RBKS: variants seen among roughly 807,000 people sequenced by gnomAD.
RBKS encodes ribokinase.
A neutral mutation model predicts 33.9 loss-of-function variants in RBKS; 33 were observed. That is an observed-to-expected ratio of 0.97 (90% CI 0.74 to 1.30). RBKS has a LOEUF of 1.30. Ranked by LOEUF, RBKS falls within the 50% of genes most tolerant of loss-of-function variation. The probability of loss-of-function intolerance (pLI) is 0.00; values close to 1 mark genes in which losing one functional copy is unlikely to be tolerated. For missense variants in RBKS, 361 were observed against 392.6 expected (o/e 0.92, Z 0.68); for synonymous variants, 125 against 143.0 (o/e 0.87, Z 0.90).
chr2:27,887,694 AATC>A (rs1374738137), intron 1 of RBKS, among the ~76,000 whole-genome samples: 2 of 39,236 alleles, frequency 5.1e-5, no homozygotes, highest in African/African-American at 1.2e-4. Flanking sequence ...TGATTTTGCT[AATC>A]ATCAGTAAAA....
rs551968735 is a variant in RBKS at position 27,877,586 on chromosome 2, A to G, written c.89+12671T>C. ...GAATATAACCGCCCCTGCCCCCCCA[A>G]TAAAAGTAGTAAGCATGGAATGCTT... is the stretch of plus-strand genomic sequence containing the variant. On this transcript the variant is annotated intron_variant, in intron 1 of 7. Coordinates refer to ENST00000302188, the MANE Select transcript of RBKS (RefSeq NM_022128.3). Among the ~76,000 whole-genome samples the G allele has an allele frequency of 3.3e-5, 5 of 152,164 alleles. No individual in the cohort carries two copies. In the South Asian group the frequency reaches 6.2e-4, roughly 19 times the overall value.
chr2:27,860,452 G>C (rs1390070087), intron 1 of RBKS, among the ~76,000 whole-genome samples: 1 of 152,198 alleles, frequency 6.6e-6, no homozygotes, highest in Non-Finnish European at 1.5e-5. Flanking sequence ...AACTTGATTA[G>C]TAAGACTGTC....
rs1677650055 is a variant in RBKS, at chr2:27,795,496, T to C, written c.796-13708A>G. 6.6e-6 allele frequency among the ~76,000 whole-genome samples: 1 copy of C among 152,220 alleles called. No homozygotes were observed. The highest frequency in any genetic ancestry group is 2.4e-5 in the African/African-American group (1 of 41,452). On this transcript the variant is annotated intron_variant, in intron 7 of 7. Transcript: ENST00000302188. This position sits in a 1 kb window ranked among gnomAD's most constrained non-coding sequence, Gnocchi z 4.1. ...GGTAAGGAAGAGAGTGAACTTTTAC[T>C]GTTTGCTCCTCATCAAGAGGCAGCA...
chr2:27,875,504 G>A (rs1248121457), intron 1 of RBKS, among the ~76,000 whole-genome samples: 2 of 152,204 alleles, frequency 1.3e-5, no homozygotes, highest in Non-Finnish European at 2.9e-5. Context: ...AGTGAGCTGC[G>A]ATCGCAACAC....
In RBKS at chr2:27,858,549, T is replaced by G; in HGVS notation, c.112A>C (p.Thr38Pro). 8 of 1,613,180 alleles carry G rather than the reference T, an allele frequency of 5.0e-6. No individual in the cohort carries two copies. The highest frequency in any genetic ancestry group is 2.7e-5 in the African/African-American group (2 of 75,000). ...TTATGTCCATGGATGGTTTCTCCAG[T>G]TTTTGGCAAACGAGAAGTAAGACTA... ...LVSLTSRLPKTGETIHGHKFF... is the reference protein window; with the variant it reads ...LVSLTSRLPKPGETIHGHKFF... The change falls in exon 2 of 8, where the codon ACT becomes CCT. Residue 38 changes from threonine to proline, a missense_variant. Thr to Pro is a conservative substitution (Grantham distance 38). Transcript: ENST00000302188.
At chr2:27,797,230 T>C (rs561815952) in intron 7 of RBKS, among the ~76,000 whole-genome samples, 1 of 152,278 alleles carries the variant, frequency 6.6e-6, no homozygotes, top group South Asian at 2.1e-4. Context: ...GGTGTGCGAT[T>C]AGGCAAAGTG....
At chr2:27,884,759 C>A (rs1664494237) in intron 1 of RBKS, among the ~76,000 whole-genome samples, 1 of 152,138 alleles carries the variant, frequency 6.6e-6, no homozygotes, top group South Asian at 2.1e-4. Flanking sequence ...AAAAAGATAA[C>A]ACAGAGTTTT....
At chr2:27,851,816 G>C (rs1450292017) in intron 2 of RBKS, among the ~76,000 whole-genome samples, 3 of 152,162 alleles carry the variant, frequency 2.0e-5, no homozygotes, top group Non-Finnish European at 4.4e-5. Context: ...TGGGATTACA[G>C]GCGTGAGCCA....
rs533851831 is a variant in RBKS, at chr2:27,845,459, A to G, written c.349+1583T>C. Among the ~76,000 whole-genome samples the G allele has an allele frequency of 1.2e-4, 19 of 152,324 alleles. No individual in the cohort carries two copies. The South Asian group carries it at 3.9e-3, about 32-fold the overall frequency. ...ATAGGCACTTGACACACACTATGAC[A>G]TTATATCTTTGCATGGAAAATGCAG... On this transcript the variant is annotated intron_variant, in intron 4 of 7. Transcript: ENST00000302188.
chr2:27,801,514 C>G (rs944987225), intron 7 of RBKS, among the ~76,000 whole-genome samples: 3 of 142,052 alleles, frequency 2.1e-5, no homozygotes, highest in Non-Finnish European at 4.7e-5. Flanking sequence ...CACAAGCGGT[C>G]CCAACTTATG....
intron 7 of RBKS, among the ~76,000 whole-genome samples, chr2:27,787,872 A>G (rs563314521): frequency 3.3e-5 from 5 of 151,572 alleles, no homozygotes; most frequent in South Asian, 2.1e-4. Context: ...ATGTGTGTGT[A>G]TATATATATA....
At chr2:27,785,308 C>G (rs1677375630) in intron 7 of RBKS, among the ~76,000 whole-genome samples, 1 of 152,018 alleles carries the variant, frequency 6.6e-6, no homozygotes, top group South Asian at 2.1e-4. Flanking sequence ...AAAATCCTTG[C>G]AATACATGTA....
At chr2:27,852,845 G>A (rs570836267) in intron 2 of RBKS, among the ~76,000 whole-genome samples, 3 of 152,258 alleles carry the variant, frequency 2.0e-5, no homozygotes, top group African/African-American at 7.2e-5. Context: ...AAGACATTTT[G>A]TCACTTTTCA....
At chr2:27,786,204 GTTTTC>G (rs368019931) in intron 7 of RBKS, among the ~76,000 whole-genome samples, 284 of 152,218 alleles carry the variant, frequency 1.9e-3, no homozygotes, top group African/African-American at 6.6e-3. Flanking sequence ...TGAATATTTG[GTTTTC>G]TTATGTGCAA....
At chr2:27,826,817 T>A (rs186701515) in intron 7 of RBKS, among the ~76,000 whole-genome samples, 2 of 152,328 alleles carry the variant, frequency 1.3e-5, no homozygotes, top group East Asian at 3.9e-4. Flanking sequence ...TAGCCATGGC[T>A]TGTTCACTTA....
At chr2:27,832,151 C>T (rs1352676424) in intron 6 of RBKS, among the ~76,000 whole-genome samples, 1 of 152,166 alleles carries the variant, frequency 6.6e-6, no homozygotes, top group Non-Finnish European at 1.5e-5. Flanking sequence ...GATGATACAT[C>T]ATGACACAGG....
In RBKS at chr2:27,858,518, A is replaced by C. The variant is rs970968225; in HGVS notation, c.143T>G (p.Phe48Cys). Residue 48 changes from phenylalanine to cysteine, a missense_variant, in exon 2 of 8, where the codon TTT becomes TGT. Physicochemically the swap from Phe to Cys is radical, Grantham distance 205 (BLOSUM62 -2). Coordinates refer to ENST00000302188, the MANE Select transcript of RBKS (RefSeq NM_022128.3). ...GGCACCTTTCCCTCCAAAGCCAATA[A>C]AAAACTTATGTCCATGGATGGTTTC... ...TGETIHGHKF[F>C]IGFGGKGANQ... 9 of 1,614,000 alleles carry C rather than the reference A, an allele frequency of 5.6e-6. No homozygotes were observed. The Admixed American group carries it at 1.5e-4, about 27-fold the overall frequency.
At chr2:27,850,573 G>A (rs1663726043) in intron 2 of RBKS, among the ~76,000 whole-genome samples, 1 of 152,208 alleles carries the variant, frequency 6.6e-6, no homozygotes, top group African/African-American at 2.4e-5. Context: ...TAATTACACA[G>A]TATGCAGCCT....
At chr2:27,783,941 C>G (rs1384075382) in intron 7 of RBKS, among the ~76,000 whole-genome samples, 1 of 144,962 alleles carries the variant, frequency 6.9e-6, no homozygotes, top group East Asian at 2.0e-4. Context: ...AAAGAAAAAC[C>G]ATTCTTGTAT....
Sources: gnomAD v4.1 joint callset for allele counts (sites outside exome capture counted in the v4.1 genomes callset) on GRCh38, gnomAD v4.1.1 for gene constraint, Gnocchi (gnomAD v3.1) non-coding constraint, MANE v1.5 for transcripts, NCBI Gene and HGNC (gene_info 2026-07-23, HGNC 2026-07-21) for gene names.